SI: variants seen among roughly 807,000 people sequenced by gnomAD.
The protein encoded by SI is sucrase-isomaltase, also known as sucrase-isomaltase, intestinal.
SI carries 235 observed loss-of-function variants against 253.3 expected under a neutral mutation model. The observed-to-expected ratio is 0.93, with a 90% CI of 0.83 to 1.03. SI has a LOEUF of 1.03. SI is among the 50% of genes least tolerant of loss of function. SI has a pLI of 0.00. For synonymous variants in SI, 819 were observed against 712.0 expected (o/e 1.15, Z -2.39); for missense variants, 2,442 against 2,211.1 (o/e 1.10, Z -2.09).
At chr3:165,062,071 A>G (rs1714009829) in intron 9 of SI, among the ~76,000 whole-genome samples, 1 of 151,972 alleles carries the variant, frequency 6.6e-6, no homozygotes, top group African/African-American at 2.4e-5. Flanking sequence ...ATTCCATCAG[A>G]TAAAGTCATT....
intron 15 of SI, among the ~76,000 whole-genome samples, chr3:165,047,336 T>A (rs2108229111): frequency 6.6e-6 from 1 of 152,156 alleles, no homozygotes; most frequent in East Asian, 1.9e-4. Context: ...AAGATGTTAC[T>A]TGCTTCTCCT....
At chr3:164,994,202 T>A in intron 41 of SI, 55 bp downstream of exon 41, 1 of 1,505,084 alleles carries the variant, frequency 6.6e-7, no homozygotes, top group Non-Finnish European at 9.2e-7. Context: ...GATCATTGGG[T>A]AAATTAAGTG....
intron 35 of SI, among the ~76,000 whole-genome samples, chr3:165,008,275 G>A (rs1301687309): frequency 6.6e-6 from 1 of 151,678 alleles, no homozygotes; most frequent in South Asian, 2.1e-4. Context: ...TTAAGACATA[G>A]CATTATAATA....
chr3:164,993,540 T>G (rs1440007944), intron 41 of SI, among the ~76,000 whole-genome samples: 1 of 151,682 alleles, frequency 6.6e-6, no homozygotes, highest in African/African-American at 2.4e-5. Flanking sequence ...ACAAATAATC[T>G]CATTCAATTA....
rs141470253 is a variant in SI, at chr3:165,007,179, A to T, written c.4268-225T>A. Reference sequence around the variant, plus strand: ...TAATAAAAACCTGAAAAATAAGTACACTCCTCAATGTCTACTCTTTCTAGT... The same window carrying T: ...TAATAAAAACCTGAAAAATAAGTACTCTCCTCAATGTCTACTCTTTCTAGT... On this transcript the variant is annotated intron_variant, in intron 36 of 47. Transcript: ENST00000264382. Among the ~76,000 whole-genome samples, 179 of 152,046 alleles carry T rather than the reference A, an allele frequency of 1.2e-3. 2 individuals are homozygous for T. The East Asian group carries it at 0.017, about 14-fold the overall frequency.
intron 37 of SI, among the ~76,000 whole-genome samples, chr3:165,001,972 T>G (rs1718276047): frequency 6.6e-6 from 1 of 151,564 alleles, no homozygotes; most frequent in Non-Finnish European, 1.5e-5. Context: ...ATATTGACTT[T>G]TTCCATTCCA....
intron 13 of SI, among the ~76,000 whole-genome samples, chr3:165,052,417 A>C (rs1713478593): frequency 6.6e-6 from 1 of 152,170 alleles, no homozygotes; most frequent in South Asian, 2.1e-4. Flanking sequence ...CTATTTTTTG[A>C]GGCCAAGGCG....
intron 31 of SI, among the ~76,000 whole-genome samples, chr3:165,017,061 T>C (rs1719068991): frequency 6.6e-6 from 1 of 151,986 alleles, no homozygotes; most frequent in African/African-American, 2.4e-5. Context: ...AGATTGATCA[T>C]TTGTGGATAC....
At chr3:165,037,314 T>C (rs1712583868) in intron 21 of SI, among the ~76,000 whole-genome samples, 1 of 151,960 alleles carries the variant, frequency 6.6e-6, no homozygotes. Flanking sequence ...TAGGGAAAAG[T>C]ATGTAAATTC....
chr3:165,024,584 T>C (rs1711802964), intron 25 of SI, among the ~76,000 whole-genome samples: 1 of 151,104 alleles, frequency 6.6e-6, no homozygotes, highest in Non-Finnish European at 1.5e-5. Context: ...CTGGCTTCTA[T>C]CTAAAGTGAA....
At chr3:165,064,124 T>C (rs1714110556) in intron 7 of SI, among the ~76,000 whole-genome samples, 2 of 151,850 alleles carry the variant, frequency 1.3e-5, no homozygotes, top group South Asian at 4.2e-4. Context: ...AACTTAGTCA[T>C]GATAAGGTAA....
chr3:165,070,692 C>T (rs947123713), intron 3 of SI, among the ~76,000 whole-genome samples: 1 of 151,976 alleles, frequency 6.6e-6, no homozygotes, highest in Admixed American at 6.6e-5. Context: ...AATAAGCACA[C>T]TATAATCACA....
At chr3:165,062,550 T>A in intron 8 of SI, 67 bp from the exon 9 acceptor site, 1 of 789,576 alleles carries the variant, frequency 1.3e-6, no homozygotes, top group Non-Finnish European at 2.3e-6. Context: ...AATTGCAAAG[T>A]CCATTTAAAT....
At position 164,979,400 on chromosome 3, in the gene SI, C is replaced by T. The variant is rs1175906773; in HGVS notation, c.5446G>A (p.Val1816Ile). 1.3e-6 allele frequency: 2 copies of T among 1,585,900 alleles called. No homozygotes were observed. The highest frequency in any genetic ancestry group is 1.3e-5 in the African/African-American group (1 of 74,210). The change falls in exon 48 of 48, where the codon GTT becomes ATT. Residue 1816 changes from valine to isoleucine, a missense_variant. Val to Ile is a conservative substitution (Grantham distance 29, BLOSUM62 3). Transcript: ENST00000264382. ...ILRIDLTTHN[V>I]TLEEPIEINW... ...ATTTCTATTGGTTCTTCTAGAGTAA[C>T]ATTGTGTGTGGTCAGATCAATACGT...
At chr3:165,063,649 C>A in intron 7 of SI, 108 bp from the exon 8 acceptor site, 1 of 581,790 alleles carries the variant, frequency 1.7e-6, no homozygotes. Context: ...TAATTTACTT[C>A]TCCTGTTTCT....
At chr3:165,060,087 A>T in intron 9 of SI, 60 bp from the exon 10 acceptor site, 1 of 1,456,148 alleles carries the variant, frequency 6.9e-7, no homozygotes, top group Non-Finnish European at 9.6e-7. Flanking sequence ...AGCATTAATA[A>T]CCAAGGTTAA....
intron 21 of SI, among the ~76,000 whole-genome samples, chr3:165,037,660 A>G (rs1712597648): frequency 6.6e-6 from 1 of 151,796 alleles, no homozygotes. Context: ...ATGTGGGTAA[A>G]TTTTTGATAC....
At chr3:165,012,899 C>G in intron 34 of SI, 81 bp downstream of exon 34, 2 of 890,464 alleles carry the variant, frequency 2.2e-6, no homozygotes, top group South Asian at 2.6e-5. Context: ...GAAAAGCATT[C>G]AAATTTAGTT....
chr3:165,012,553 C>T (rs981676630), intron 34 of SI, among the ~76,000 whole-genome samples: 1 of 152,104 alleles, frequency 6.6e-6, no homozygotes, highest in Middle Eastern at 3.4e-3. Context: ...CTCAGCTTTC[C>T]GAGTAGCTGG....
Sources: allele counts gnomAD v4.1 joint callset (sites outside exome capture counted in the v4.1 genomes callset), GRCh38; gene constraint gnomAD v4.1.1; transcripts MANE v1.5; gene names NCBI Gene and HGNC (gene_info 2026-07-23, HGNC 2026-07-21).